The following FHIT variants were observed in gnomAD, a reference collection of about 807,000 sequenced individuals.
FHIT encodes the protein fragile histidine triad diadenosine triphosphatase, also known as bis(5'-adenosyl)-triphosphatase.
FHIT carries 19 observed loss-of-function variants against 17.9 expected under a neutral mutation model. That is an observed-to-expected ratio of 1.06 (90% CI 0.74 to 1.56). FHIT has a LOEUF of 1.56. Among genes scored for constraint, FHIT ranks in the 40% most tolerant of loss-of-function variants. FHIT has a pLI of 0.00. For missense variants in FHIT, 248 were observed against 189.2 expected, an observed-to-expected ratio of 1.31 and a Z score of -1.82; for synonymous variants, 81 against 69.7, an observed-to-expected ratio of 1.16 and a Z score of -0.81.
intron 8 of FHIT, among the ~76,000 whole-genome samples, chr3:59,854,232 G>A (rs1334831703): frequency 6.6e-6 from 1 of 152,148 alleles, no homozygotes; most frequent in Non-Finnish European, 1.5e-5. Flanking sequence ...GCTCTTCAAC[G>A]CTGATGCTTT....
At chr3:60,746,826 G>A (rs1363455959) in intron 4 of FHIT, among the ~76,000 whole-genome samples, 3 of 152,124 alleles carry the variant, frequency 2.0e-5, no homozygotes, top group Non-Finnish European at 2.9e-5. Flanking sequence ...ATGGCTCTCC[G>A]TTTTAGTATA....
chr3:61,210,069 G>T (rs1459785735), intron 1 of FHIT, among the ~76,000 whole-genome samples: 1 of 152,174 alleles, frequency 6.6e-6, no homozygotes, highest in East Asian at 1.9e-4. Context: ...GAGTTTCCTG[G>T]GGGTCCACTC....
chr3:59,923,646 G>A (rs1705518854), intron 7 of FHIT, among the ~76,000 whole-genome samples: 1 of 152,158 alleles, frequency 6.6e-6, no homozygotes, highest in African/African-American at 2.4e-5. Flanking sequence ...ATTACAAACC[G>A]TGGGGAGGAA....
rs1277499796 is a variant in FHIT, at chr3:59,870,939, TGAC to T, written c.348+51404_348+51406del. Among the ~76,000 whole-genome samples the T allele has an allele frequency of 5.3e-5, 8 of 152,030 alleles. No individual in the cohort carries two copies. In the East Asian group the frequency reaches 9.7e-4, roughly 18 times the overall value. On this transcript the variant is annotated intron_variant, in intron 8 of 9. Coordinates refer to ENST00000492590, the MANE Select transcript of FHIT (RefSeq NM_002012.4). ...GTCTGATTCATGACCCTACTGTAAA[TGAC>T]TACTACATAGTTCATACCACATGTG...
At chr3:60,506,532 T>C (rs1475860152) in intron 5 of FHIT, among the ~76,000 whole-genome samples, 1 of 152,222 alleles carries the variant, frequency 6.6e-6, no homozygotes, top group Admixed American at 6.5e-5. Flanking sequence ...TATTCTCCTC[T>C]TCTCCTACAT....
At chr3:61,035,481 C>T (rs2033196857) in intron 3 of FHIT, among the ~76,000 whole-genome samples, 1 of 152,176 alleles carries the variant, frequency 6.6e-6, no homozygotes. Context: ...ATATATCCCT[C>T]TTGTGCACAA....
At chr3:60,311,634 T>C (rs567949202) in intron 5 of FHIT, among the ~76,000 whole-genome samples, 143 of 152,340 alleles carry the variant, frequency 9.4e-4, no homozygotes, top group South Asian at 3.7e-3. Context: ...TCTAAAATAA[T>C]GACACATTAG....
intron 4 of FHIT, among the ~76,000 whole-genome samples, chr3:60,682,539 C>T (rs2040774650): frequency 6.6e-6 from 1 of 152,136 alleles, no homozygotes; most frequent in Non-Finnish European, 1.5e-5. Flanking sequence ...GATGACAGTA[C>T]ATCTGTTTAT....
At chr3:60,322,698 A>G (rs1246058503) in intron 5 of FHIT, among the ~76,000 whole-genome samples, 1 of 152,254 alleles carries the variant, frequency 6.6e-6, no homozygotes, top group Non-Finnish European at 1.5e-5. Flanking sequence ...ATTAATAAGT[A>G]CAATCGTATG....
intron 3 of FHIT, among the ~76,000 whole-genome samples, chr3:60,880,616 C>T (rs1553757703): frequency 6.6e-6 from 1 of 152,188 alleles, no homozygotes; most frequent in Non-Finnish European, 1.5e-5. Context: ...CCTGTAATCC[C>T]AGCTACTTGG....
rs543000744 is a variant in FHIT at position 60,880,140 on chromosome 3, A to T, written c.-110-58129T>A. On this transcript the variant is annotated intron_variant, in intron 3 of 9. Transcript: ENST00000492590. The stretch of plus-strand genomic sequence containing the variant: ...CTAAAAACAACAAGAGAAATGTGTC[A>T]CAGTACATTTAAGGGAATCCCCATT... 1.5e-3 allele frequency among the ~76,000 whole-genome samples: 229 copies of T among 152,312 alleles called. 2 individuals are homozygous for T. The highest frequency in any genetic ancestry group is 5.3e-3 in the African/African-American group (219 of 41,580).
intron 5 of FHIT, among the ~76,000 whole-genome samples, chr3:60,030,762 G>A (rs901856234): frequency 2.6e-5 from 4 of 152,096 alleles, no homozygotes; most frequent in Admixed American, 1.3e-4. Flanking sequence ...GTAGATGACT[G>A]GGTGGGTGGT....
At chr3:60,115,397 T>A (rs1258136884) in intron 5 of FHIT, among the ~76,000 whole-genome samples, 1 of 152,200 alleles carries the variant, frequency 6.6e-6, no homozygotes, top group African/African-American at 2.4e-5. Context: ...TTAACTACCA[T>A]ATGATAAAAT....
At chr3:59,933,998 C>A (rs1039081454) in intron 7 of FHIT, among the ~76,000 whole-genome samples, 1 of 152,106 alleles carries the variant, frequency 6.6e-6, no homozygotes. Context: ...TAGACTAAAA[C>A]AGGGCCCCTC....
chr3:60,309,085 T>C (rs942298114), intron 5 of FHIT, among the ~76,000 whole-genome samples: 1 of 152,174 alleles, frequency 6.6e-6, no homozygotes, highest in African/African-American at 2.4e-5. Flanking sequence ...TTGACAGTTG[T>C]TTCCCTTTCT....
chr3:60,716,806 T>G (rs2041694679), intron 4 of FHIT, among the ~76,000 whole-genome samples: 1 of 152,212 alleles, frequency 6.6e-6, no homozygotes, highest in South Asian at 2.1e-4. Flanking sequence ...GAGTAATTCG[T>G]GACGCTATGA....
At chr3:60,180,154 A>G (rs1701863052) in intron 5 of FHIT, among the ~76,000 whole-genome samples, 1 of 152,210 alleles carries the variant, frequency 6.6e-6, no homozygotes, top group Non-Finnish European at 1.5e-5. Flanking sequence ...CAAAAAGCAC[A>G]CAAGCTCGTC....
Position 59,986,751 on chromosome 3 carries a change from T to A in FHIT, c.279+24620A>T, listed in dbSNP as rs1269277344. Among the ~76,000 whole-genome samples the A allele has an allele frequency of 1.1e-3, 10 of 9,140 alleles. 2 individuals carry two copies. The highest frequency in any genetic ancestry group is 2.3e-3 in the African/African-American group (7 of 3,080). 6.0% of individuals were successfully genotyped at this position (9,140 alleles called of 152,430 possible). A position where few individuals can be genotyped will look rare whatever the true frequency, so the allele number is the denominator to read the frequency against. Reference sequence around the variant, plus strand: ...ATATAAATATATACATATATTTATATATATATAAATATATTTATATAAATA... The same window carrying A: ...ATATAAATATATACATATATTTATAAATATATAAATATATTTATATAAATA... On this transcript the variant is annotated intron_variant, in intron 7 of 9. Coordinates refer to ENST00000492590, the MANE Select transcript of FHIT (RefSeq NM_002012.4).
At chr3:60,307,404 C>T (rs900274121) in intron 5 of FHIT, among the ~76,000 whole-genome samples, 4 of 152,130 alleles carry the variant, frequency 2.6e-5, no homozygotes, top group Non-Finnish European at 4.4e-5. Context: ...GAGATAATAT[C>T]CACACAAGTC....
Sources: gnomAD v4.1 joint callset for allele counts (sites outside exome capture counted in the v4.1 genomes callset) on GRCh38, gnomAD v4.1.1 for gene constraint, MANE v1.5 for transcripts, NCBI Gene and HGNC (gene_info 2026-07-23, HGNC 2026-07-21) for gene names.